CNTNAP2: variants seen among roughly 807,000 people sequenced by gnomAD.
The protein encoded by CNTNAP2 is contactin-associated protein-like 2.
CNTNAP2 carries 98 observed loss-of-function variants against 155.2 expected under a neutral mutation model. The observed-to-expected ratio is 0.63, with a 90% confidence interval of 0.54 to 0.75. The LOEUF (loss-of-function observed/expected upper bound fraction) is 0.75. Among genes scored for constraint, CNTNAP2 ranks in the 30% least tolerant of loss-of-function variants. CNTNAP2 has a pLI of 0.00. For missense variants in CNTNAP2, 1,727 were observed against 1,688.1 expected, an observed-to-expected ratio of 1.02 and a Z score of -0.40; for synonymous variants, 651 against 631.2, an observed-to-expected ratio of 1.03 and a Z score of -0.47.
chr7:146,838,055 A>G (rs1167591401), intron 2 of CNTNAP2, among the ~76,000 whole-genome samples: 1 of 152,158 alleles, frequency 6.6e-6, no homozygotes, highest in Non-Finnish European at 1.5e-5. Context: ...AGCACTTTAC[A>G]CAGCTGTGCC....
At position 148,071,431 on chromosome 7, in the gene CNTNAP2, A is replaced by T. The variant is rs191180849; in HGVS notation, c.2384-46687A>T. 6.6e-5 allele frequency among the ~76,000 whole-genome samples: 10 copies of T among 152,310 alleles called. No homozygotes were observed. The East Asian group carries it at 1.9e-3, about 29-fold the overall frequency. The stretch of plus-strand genomic sequence containing the variant: ...GAGGTGGAGGTTGCAGTGAGCCAAG[A>T]TTGTGCCACTGCACTCCAGCCTGGG... On this transcript the variant is annotated intron_variant, in intron 15 of 23. Coordinates refer to ENST00000361727, the MANE Select transcript of CNTNAP2 (RefSeq NM_014141.6).
chr7:147,029,258 G>C (rs961012638), intron 3 of CNTNAP2, among the ~76,000 whole-genome samples: 33 of 152,032 alleles, frequency 2.2e-4, no homozygotes, highest in African/African-American at 7.7e-4. Flanking sequence ...CCACTGCGCC[G>C]GGCCTAAGAT....
chr7:148,355,258 T>C (rs1216529520), intron 21 of CNTNAP2, among the ~76,000 whole-genome samples: 1 of 133,332 alleles, frequency 7.5e-6, no homozygotes, highest in Non-Finnish European at 1.6e-5. Flanking sequence ...CTCGGCTCAC[T>C]ACAAGCTCCG....
intron 22 of CNTNAP2, among the ~76,000 whole-genome samples, chr7:148,386,950 A>G (rs1799224489): frequency 6.6e-6 from 1 of 152,192 alleles, no homozygotes; most frequent in African/African-American, 2.4e-5. Flanking sequence ...CAAATGAGAG[A>G]TAAAGAGTTT....
chr7:146,794,716 AT>A (rs1180779572), intron 2 of CNTNAP2, among the ~76,000 whole-genome samples: 4 of 152,226 alleles, frequency 2.6e-5, no homozygotes, highest in Admixed American at 6.5e-5. Context: ...TATGATACGA[AT>A]GCTCCAAAGC....
chr7:147,037,588 A>C (rs998756731), intron 3 of CNTNAP2, among the ~76,000 whole-genome samples: 1 of 151,310 alleles, frequency 6.6e-6, no homozygotes, highest in South Asian at 2.1e-4. Context: ...CAGCCTCCTG[A>C]GTAGCTGGGA....
At position 147,748,953 on chromosome 7, in the gene CNTNAP2, G is replaced by A. The variant is rs563307592; in HGVS notation, c.2098+109647G>A. 2.8e-4 allele frequency among the ~76,000 whole-genome samples: 42 copies of A among 152,298 alleles called. 1 individual carries two copies. Among genetic ancestry groups the A allele is most frequent in the African/African-American group, 8.7e-4 (36 of 41,590 alleles). ...TCTGAACAAGACATAAGTCATCTAC[G>A]TGGTTTATAGGACTGACAATGAGTG... On this transcript the variant is annotated intron_variant, in intron 13 of 23. Coordinates refer to ENST00000361727, the MANE Select transcript of CNTNAP2 (RefSeq NM_014141.6).
At chr7:148,129,033 C>G (rs1266355032) in intron 16 of CNTNAP2, among the ~76,000 whole-genome samples, 3 of 152,146 alleles carry the variant, frequency 2.0e-5, no homozygotes, top group African/African-American at 4.8e-5. Context: ...AATTCCTTTG[C>G]CTTGGGCCCA....
intron 13 of CNTNAP2, among the ~76,000 whole-genome samples, chr7:147,651,526 T>C (rs1795450674): frequency 6.6e-6 from 1 of 152,212 alleles, no homozygotes; most frequent in South Asian, 2.1e-4. Context: ...ATAGCAATGA[T>C]TTATTCCCTC....
intron 13 of CNTNAP2, among the ~76,000 whole-genome samples, chr7:147,842,587 C>CTAT (rs1798767607): frequency 1.2e-5 from 1 of 84,408 alleles, no homozygotes; most frequent in African/African-American, 4.5e-5. Flanking sequence ...TTTTACTTTT[C>CTAT]TTTTTTTTTT....
intron 11 of CNTNAP2, among the ~76,000 whole-genome samples, chr7:147,498,824 A>C (rs1168373035): frequency 6.6e-6 from 1 of 152,162 alleles, no homozygotes; most frequent in Non-Finnish European, 1.5e-5. Flanking sequence ...TATGCTTCTC[A>C]TGCACTACCT....
In CNTNAP2 at chr7:146,486,283, C is replaced by T. The variant is rs1045497078; in HGVS notation, c.98-287988C>T. On this transcript the variant is annotated intron_variant, in intron 1 of 23. Coordinates refer to ENST00000361727, the MANE Select transcript of CNTNAP2 (RefSeq NM_014141.6). ...GTTTCACCGTGTTAGCCAGGATGGT[C>T]TCGATCTCCTGACCTCGTGATCCGC... 4.6e-5 allele frequency among the ~76,000 whole-genome samples: 7 copies of T among 152,042 alleles called. No homozygotes were observed. In the East Asian group the frequency reaches 9.7e-4, roughly 21 times the overall value.
chr7:147,855,783 C>T (rs575998267), intron 13 of CNTNAP2, among the ~76,000 whole-genome samples: 1 of 152,118 alleles, frequency 6.6e-6, no homozygotes, highest in Admixed American at 6.5e-5. Flanking sequence ...AAAGATGAAA[C>T]ATCTACTAAT....
intron 2 of CNTNAP2, among the ~76,000 whole-genome samples, chr7:146,832,809 C>T (rs1803539286): frequency 6.6e-6 from 1 of 151,966 alleles, no homozygotes; most frequent in Admixed American, 6.6e-5. Context: ...GATTCTCCTG[C>T]CTCAGCCTCC....
intron 13 of CNTNAP2, among the ~76,000 whole-genome samples, chr7:147,697,324 TA>T (rs754195051): frequency 3.9e-5 from 6 of 152,176 alleles, no homozygotes; most frequent in Admixed American, 1.3e-4. Context: ...AATTATACTT[TA>T]AAAAAATTCC....
At chr7:146,602,046 T>A (rs1798958961) in intron 1 of CNTNAP2, among the ~76,000 whole-genome samples, 1 of 152,104 alleles carries the variant, frequency 6.6e-6, no homozygotes. Context: ...AATGTTTTAT[T>A]TTGGGAATAA....
chr7:147,760,931 T>C (rs564705129), intron 13 of CNTNAP2, among the ~76,000 whole-genome samples: 6 of 152,302 alleles, frequency 3.9e-5, no homozygotes, highest in East Asian at 1.9e-4. Context: ...AAAGGATCTT[T>C]GAACTGGGCT....
chr7:146,612,433 C>A (rs1208897456), intron 1 of CNTNAP2, among the ~76,000 whole-genome samples: 1 of 151,998 alleles, frequency 6.6e-6, no homozygotes, highest in East Asian at 1.9e-4. Flanking sequence ...TTGTTACTTA[C>A]TTTAAAAGTA....
intron 18 of CNTNAP2, among the ~76,000 whole-genome samples, chr7:148,206,757 C>T (rs922109905): frequency 6.6e-6 from 1 of 152,192 alleles, no homozygotes; most frequent in African/African-American, 2.4e-5. Flanking sequence ...GGTTGGGAAG[C>T]CTGGAGGCCT....
Sources: gnomAD v4.1 joint callset for allele counts (sites outside exome capture counted in the v4.1 genomes callset) on GRCh38, gnomAD v4.1.1 for gene constraint, MANE v1.5 for transcripts, NCBI Gene and HGNC (gene_info 2026-07-23, HGNC 2026-07-21) for gene names.